CYTH1: variants seen among roughly 807,000 people sequenced by gnomAD.
CYTH1 encodes cytohesin 1.
A neutral mutation model predicts 61.8 loss-of-function variants in CYTH1; 18 were observed. That is an observed-to-expected ratio of 0.29 (90% CI 0.20 to 0.43). The LOEUF (loss-of-function observed/expected upper bound fraction) is 0.43. Ranked by LOEUF, CYTH1 falls within the 20% of genes least tolerant of loss-of-function variation. CYTH1 has a pLI of 1.00. For missense variants in CYTH1, 336 were observed against 510.5 expected, an observed-to-expected ratio of 0.66 and a Z score of 3.29; for synonymous variants, 174 against 184.3, an observed-to-expected ratio of 0.94 and a Z score of 0.45.
Position 78,674,365 on chromosome 17 carries a change from C to G in CYTH1, c.*1726G>C, listed in dbSNP as rs1197887023. On this transcript the variant is annotated 3_prime_UTR_variant, in exon 14 of 14. Transcript: ENST00000446868. ...CCAGCTGGACAGGCTCCAGCACCGGCCCAAACACGCCCAGACCTCGGCAGG... is the reference window on the plus strand; with the variant it reads ...CCAGCTGGACAGGCTCCAGCACCGGGCCAAACACGCCCAGACCTCGGCAGG... 6.6e-6 allele frequency: 1 copy of G among 152,280 alleles called. No individual in the cohort carries two copies. The highest frequency in any genetic ancestry group is 1.9e-4 in the East Asian group (1 of 5,194). 9.4% of individuals were successfully genotyped at this position (152,280 alleles called of 1,614,324 possible). A position where few individuals can be genotyped will look rare whatever the true frequency, so the allele number is the denominator to read the frequency against.
intron 1 of CYTH1, among the ~76,000 whole-genome samples, chr17:78,769,927 G>A (rs1325145098): frequency 6.6e-6 from 1 of 151,972 alleles, no homozygotes; most frequent in Non-Finnish European, 1.5e-5. Context: ...CGAGGTGGGT[G>A]GATCACGAGG....
chr17:78,739,108 T>C (rs966207266), intron 1 of CYTH1, among the ~76,000 whole-genome samples: 2 of 152,266 alleles, frequency 1.3e-5, no homozygotes, highest in African/African-American at 4.8e-5. Context: ...GAATTGCTTT[T>C]TCAAAGCCTT....
At chr17:78,695,194 C>A (rs1051155086) in intron 10 of CYTH1, among the ~76,000 whole-genome samples, 3 of 152,170 alleles carry the variant, frequency 2.0e-5, no homozygotes, top group Non-Finnish European at 4.4e-5. Context: ...CCCAAAAAAA[C>A]CAGCAAATGG....
chr17:78,698,143 G>C (rs548101881), intron 9 of CYTH1, 126 bp downstream of exon 9: 2 of 785,994 alleles, frequency 2.5e-6, no homozygotes, highest in Non-Finnish European at 4.3e-6. Flanking sequence ...GCACACACAC[G>C]CACGCGCACA....
chr17:78,748,764 G>A lies in CYTH1; in HGVS notation c.22+33438C>T, dbSNP rs76523395. 1.6e-3 allele frequency among the ~76,000 whole-genome samples: 249 copies of A among 152,232 alleles called. 3 individuals carry two copies. In the East Asian group the frequency reaches 0.045, roughly 28 times the overall value. On this transcript the variant is annotated intron_variant, in intron 1 of 13. Transcript: ENST00000446868. ...AGTGTGCTTGCTTTTGTCCCTTGTT[G>A]CTTTGGAGATCTACTTTGATACAGG... is the stretch of plus-strand genomic sequence containing the variant.
intron 1 of CYTH1, among the ~76,000 whole-genome samples, chr17:78,750,848 A>G (rs904744979): frequency 6.6e-6 from 1 of 152,168 alleles, no homozygotes; most frequent in Non-Finnish European, 1.5e-5. Context: ...TGAATTGGAA[A>G]AGACTAAACC....
chr17:78,704,432 G>A (rs987570962), intron 3 of CYTH1, among the ~76,000 whole-genome samples: 3 of 152,180 alleles, frequency 2.0e-5, no homozygotes, highest in African/African-American at 7.2e-5. Flanking sequence ...ATCATAAAAT[G>A]TTATTGCCTT....
chr17:78,704,754 T>C (rs1468819397), intron 3 of CYTH1, among the ~76,000 whole-genome samples: 1 of 152,194 alleles, frequency 6.6e-6, no homozygotes, highest in Admixed American at 6.5e-5. Context: ...ACTCCTGGCC[T>C]CAAGCAATCC....
intron 1 of CYTH1, among the ~76,000 whole-genome samples, chr17:78,726,474 G>A (rs1567862665): frequency 6.6e-6 from 1 of 152,188 alleles, no homozygotes; most frequent in Non-Finnish European, 1.5e-5. Flanking sequence ...AAGAGCTCAT[G>A]TGTTACTATT....
intron 11 of CYTH1, among the ~76,000 whole-genome samples, chr17:78,689,169 TG>T (rs2092849636): frequency 6.6e-6 from 1 of 152,130 alleles, no homozygotes; most frequent in South Asian, 2.1e-4. Context: ...CAGATACAGC[TG>T]TACAATTGAA....
intron 1 of CYTH1, among the ~76,000 whole-genome samples, chr17:78,747,119 T>C (rs575174574): frequency 5.9e-4 from 79 of 133,996 alleles, no homozygotes; most frequent in African/African-American, 2.1e-3. Flanking sequence ...CAAGAGTTCA[T>C]TGGAGGACAC....
rs568359573 is a variant in CYTH1, at chr17:78,745,735, T to C, written c.23-36003A>G. 7.2e-5 allele frequency among the ~76,000 whole-genome samples: 11 copies of C among 151,912 alleles called. No individual in the cohort carries two copies. In the South Asian group the frequency reaches 2.3e-3, roughly 32 times the overall value. On this transcript the variant is annotated intron_variant, in intron 1 of 13. Transcript: ENST00000446868. ...GGTGAAACCCCGTCTCTACTGAAAATACAAAAATTAGCCAGGCATGGTGGC... is the reference window on the plus strand; with the variant it reads ...GGTGAAACCCCGTCTCTACTGAAAACACAAAAATTAGCCAGGCATGGTGGC...
chr17:78,726,693 T>C (rs956485101), intron 1 of CYTH1, among the ~76,000 whole-genome samples: 19 of 151,908 alleles, frequency 1.3e-4, no homozygotes, highest in Non-Finnish European at 1.0e-4. Flanking sequence ...AGGCAGACTG[T>C]GGTGCCTTTG....
At chr17:78,781,017 AAATAAAATAAAATAAAAT>A (rs1355061730) in intron 1 of CYTH1, among the ~76,000 whole-genome samples, 2 of 151,410 alleles carry the variant, frequency 1.3e-5, no homozygotes, top group Admixed American at 1.3e-4. Context: ...TTCAAAAATA[AAATAAAATAAAATAAAAT>A]AATAAAATAA....
intron 11 of CYTH1, among the ~76,000 whole-genome samples, chr17:78,683,316 C>T (rs954105157): frequency 6.6e-6 from 1 of 152,150 alleles, no homozygotes; most frequent in Non-Finnish European, 1.5e-5. Flanking sequence ...TGGTCTCTAC[C>T]TGCTCTCAGC....
In CYTH1 at chr17:78,708,058, T is replaced by C. The variant is rs75087201; in HGVS notation, c.170+139A>G. On this transcript the variant is annotated intron_variant, in intron 3 of 13. Transcript: ENST00000446868. ...GGTGAAGGATGGAAGGCAGACATTA[T>C]GGGTGTGTATGTGCTTGCTAGAATT... 2.9e-3 allele frequency: 2,264 copies of C among 784,136 alleles called. 34 individuals carry two copies. The African/African-American group carries it at 0.036, about 12-fold the overall frequency. 48.6% of individuals were successfully genotyped at this position (784,136 alleles called of 1,614,324 possible).
intron 11 of CYTH1, among the ~76,000 whole-genome samples, chr17:78,690,474 GT>G (rs1555603486): frequency 7.1e-6 from 1 of 141,184 alleles, no homozygotes; most frequent in Non-Finnish European, 1.5e-5. Context: ...GAGGTCAGGA[GT>G]TCAAGACCAG....
At position 78,676,070 on chromosome 17, in the gene CYTH1, C is replaced by A; in HGVS notation, c.*21G>T. On this transcript the variant is annotated 3_prime_UTR_variant, in exon 14 of 14. Coordinates refer to ENST00000446868, the MANE Select transcript of CYTH1 (RefSeq NM_004762.6). ...GCAGGAGCTCCAAGGCCCCCGCAGA[C>A]CAACGCCCTTGGCTGCACGCTCAGT... 1 of 1,597,584 alleles carries A rather than the reference C, an allele frequency of 6.3e-7. No individual in the cohort carries two copies. The highest frequency in any genetic ancestry group is 1.8e-5 in the Admixed American group (1 of 57,092).
intron 1 of CYTH1, among the ~76,000 whole-genome samples, chr17:78,741,943 C>T (rs754633995): frequency 1.3e-5 from 2 of 152,092 alleles, no homozygotes; most frequent in Non-Finnish European, 2.9e-5. Context: ...AATTTGGAAA[C>T]ATGAAAAGGG....
Sources: allele counts gnomAD v4.1 joint callset (sites outside exome capture counted in the v4.1 genomes callset), GRCh38; gene constraint gnomAD v4.1.1; transcripts MANE v1.5; gene names NCBI Gene and HGNC (gene_info 2026-07-23, HGNC 2026-07-21).